NRK: variants seen among roughly 807,000 people sequenced by gnomAD.
NRK encodes the protein Nik related kinase.
NRK carries 67 observed loss-of-function variants against 125.2 expected under a neutral mutation model. That is an observed-to-expected ratio of 0.54 (90% confidence interval 0.44 to 0.66). The LOEUF (loss-of-function observed/expected upper bound fraction) is 0.66, where lower values mean the gene tolerates loss of function less well. Ranked by LOEUF, NRK falls within the 30% of genes least tolerant of loss-of-function variation. NRK has a pLI of 0.00. For synonymous variants in NRK, 458 were observed against 429.0 expected, an observed-to-expected ratio of 1.07 and a Z score of -0.84; for missense variants, 1,224 against 1,192.9, an observed-to-expected ratio of 1.03 and a Z score of -0.38.
chrX:105,898,776 AT>A (rs1360428673), intron 8 of NRK, 62 bp downstream of exon 8: 264 of 944,273 alleles, frequency 2.8e-4, no homozygotes, highest in Non-Finnish European at 3.6e-4. Context: ...ATTAACATTT[AT>A]TTTTAATGAT....
chrX:105,922,905 T>G (rs1192507085), intron 17 of NRK, among the ~76,000 whole-genome samples: 1 of 111,332 alleles, frequency 9.0e-6, no homozygotes, highest in East Asian at 2.8e-4. Flanking sequence ...GAGTAAATTT[T>G]GCCCTATGTG....
chrX:105,946,476 C>G lies in NRK; in HGVS notation c.4353+12C>G, dbSNP rs2040815015. 4 of 1,119,942 alleles carry G rather than the reference C, an allele frequency of 3.6e-6. No individual in the cohort carries two copies. Among genetic ancestry groups the G allele is most frequent in the Admixed American group, 2.5e-5 (1 of 40,526 alleles). 92.3% of individuals were successfully genotyped at this position (1,119,942 alleles called of 1,213,427 possible). A position where few individuals can be genotyped will look rare whatever the true frequency, so the allele number is the denominator to read the frequency against. On this transcript the variant is annotated intron_variant, in intron 26 of 28. Coordinates refer to ENST00000243300, the MANE Select transcript of NRK (RefSeq NM_198465.4). Reference sequence around the variant, plus strand: ...CCCTGCCAAAGAATGTAAGATAACACCTTCAGATTCCTAGAAATTATTGTA... The same window carrying G: ...CCCTGCCAAAGAATGTAAGATAACAGCTTCAGATTCCTAGAAATTATTGTA...
intron 1 of NRK, among the ~76,000 whole-genome samples, chrX:105,826,398 T>TG (rs1186279345): frequency 9.4e-4 from 61 of 65,109 alleles, no homozygotes; most frequent in African/African-American, 4.2e-3. Context: ...ATAATATATA[T>TG]ATAATATATA....
chrX:105,830,231 T>G (rs2039169515), intron 1 of NRK, among the ~76,000 whole-genome samples: 1 of 94,207 alleles, frequency 1.1e-5, no homozygotes, highest in African/African-American at 4.1e-5. Flanking sequence ...GGACAATCAC[T>G]TGAATTCGGG....
chrX:105,917,337 G>A (rs2040379237), intron 15 of NRK, among the ~76,000 whole-genome samples: 1 of 110,264 alleles, frequency 9.1e-6, no homozygotes, highest in Non-Finnish European at 1.9e-5. Flanking sequence ...TATATATAAA[G>A]GAAACATATA....
At chrX:105,893,984 C>T (rs1367163792) in intron 6 of NRK, 42 bp downstream of exon 6, 2 of 741,187 alleles carry the variant, frequency 2.7e-6, no homozygotes, top group Non-Finnish European at 4.2e-6. Flanking sequence ...CTTTTAAGAA[C>T]CTGGGAGTAA....
intron 5 of NRK, among the ~76,000 whole-genome samples, chrX:105,893,464 G>A (rs755989421): frequency 9.0e-6 from 1 of 111,711 alleles, no homozygotes; most frequent in Non-Finnish European, 1.9e-5. Flanking sequence ...TCGTCACTTA[G>A]GTTTGTTCCT....
At chrX:105,850,429 T>TA (rs995717976) in intron 2 of NRK, among the ~76,000 whole-genome samples, 2 of 112,302 alleles carry the variant, frequency 1.8e-5, no homozygotes, top group African/African-American at 6.5e-5. Context: ...TCTTGGTGAT[T>TA]AGCATTTGGC....
chrX:105,914,040 T>A (rs1429156019), intron 14 of NRK, among the ~76,000 whole-genome samples: 3 of 110,370 alleles, frequency 2.7e-5, no homozygotes, highest in East Asian at 5.7e-4. Flanking sequence ...TCTAAAACAA[T>A]CTTTTTGTAG....
chrX:105,925,474 T>A (rs879120213), intron 19 of NRK, among the ~76,000 whole-genome samples: 1 of 111,067 alleles, frequency 9.0e-6, no homozygotes, highest in Non-Finnish European at 1.9e-5. Flanking sequence ...TCCTCTCTCC[T>A]AGCTATTTGA....
intron 2 of NRK, among the ~76,000 whole-genome samples, chrX:105,834,952 G>T (rs1173630755): frequency 9.0e-6 from 1 of 111,321 alleles, no homozygotes; most frequent in Non-Finnish European, 1.9e-5. Context: ...AGCATTTCAT[G>T]CATTAATCAT....
upstream of NRK, among the ~76,000 whole-genome samples, chrX:105,822,357 C>T (rs1286769941): frequency 8.9e-6 from 1 of 111,738 alleles, no homozygotes; most frequent in Non-Finnish European, 1.9e-5. Context: ...AGGGCCTGCT[C>T]GCAAACCGTT....
At chrX:105,840,889 A>G (rs1405046182) in intron 2 of NRK, among the ~76,000 whole-genome samples, 1 of 108,572 alleles carries the variant, frequency 9.2e-6, no homozygotes, top group Non-Finnish European at 1.9e-5. Context: ...AGAGAGTTAT[A>G]TAATTATGGT....
At chrX:105,930,789 T>A (rs1000704226) in intron 19 of NRK, among the ~76,000 whole-genome samples, 2 of 111,230 alleles carry the variant, frequency 1.8e-5, no homozygotes, top group African/African-American at 6.6e-5. Context: ...TGACTTTGGT[T>A]CTGGGTGGAT....
chrX:105,947,812 CT>C, intron 26 of NRK, among the ~76,000 whole-genome samples: 1 of 112,243 alleles, frequency 8.9e-6, no homozygotes, highest in Admixed American at 9.5e-5. Flanking sequence ...TCAGAATTGT[CT>C]CATATGTCTC....
In NRK at chrX:105,912,678, G is replaced by A; in HGVS notation, c.2272G>A (p.Glu758Lys). Residue 758 changes from glutamate (E) to lysine (K), a missense_variant, in exon 14 of 29, where the codon GAA (glutamate) becomes AAA (lysine). Coordinates refer to ENST00000243300, the MANE Select transcript of NRK (RefSeq NM_198465.4). ...DKEDESSDND[E>K]VFHSIQAEVQ... ...AGAAGATGAATCATCAGACAATGAT[G>A]AAGTATTTCATTCGATTCAGGCTGA... 1 of 1,122,147 alleles carries A rather than the reference G, an allele frequency of 8.9e-7. No homozygotes were observed. The highest frequency in any genetic ancestry group is 1.2e-6 in the Non-Finnish European group (1 of 835,009). The allele number at this position is 1,122,147 out of a possible 1,213,427, so 92.5% of individuals were successfully genotyped here.
At chrX:105,875,164 A>G (rs1775936273) in intron 2 of NRK, among the ~76,000 whole-genome samples, 1 of 111,696 alleles carries the variant, frequency 9.0e-6, no homozygotes, top group African/African-American at 3.3e-5. Context: ...TCTGGTGTAT[A>G]CATCTTACAA....
At chrX:105,869,018 T>A in intron 2 of NRK, among the ~76,000 whole-genome samples, 1 of 110,602 alleles carries the variant, frequency 9.0e-6, no homozygotes, top group African/African-American at 3.3e-5. Flanking sequence ...TGTTGTACCA[T>A]GATGAGAAAA....
intron 2 of NRK, among the ~76,000 whole-genome samples, chrX:105,834,267 A>C (rs990292952): frequency 8.9e-6 from 1 of 111,789 alleles, no homozygotes; most frequent in African/African-American, 3.2e-5. Flanking sequence ...ATTGAGAGTT[A>C]TTATTTTTTT....
Sources: allele counts gnomAD v4.1 joint callset (sites outside exome capture counted in the v4.1 genomes callset), GRCh38; gene constraint gnomAD v4.1.1; transcripts MANE v1.5; gene names NCBI Gene and HGNC (gene_info 2026-07-23, HGNC 2026-07-21).